Variants in CHODL observed in about 807,000 individuals in gnomAD.
CHODL encodes the protein transmembrane protein MT75.
Under a neutral mutation model 34.5 loss-of-function variants are expected in CHODL, and 29 were observed. That is an observed-to-expected ratio of 0.84 (90% CI 0.63 to 1.15). CHODL has a LOEUF of 1.15. CHODL is among the 50% of genes most tolerant of loss of function. CHODL has a pLI of 0.00. For synonymous variants in CHODL, 125 were observed against 116.1 expected (o/e 1.08, Z -0.49); for missense variants, 332 against 332.5 (o/e 1.00, Z 0.01).
In CHODL at chr21:17,964,373, G is replaced by A. The variant is rs140423951; in HGVS notation, c.-145+46973G>A. Among the ~76,000 whole-genome samples the A allele has an allele frequency of 6.5e-3, 985 of 152,266 alleles. 10 individuals carry two copies. The highest frequency in any genetic ancestry group is 0.023 in the African/African-American group (941 of 41,562). ...GTCACACACACACACGCACACATGC[G>A]TGCACGTGCTGAACATGAAAATGCC... On this transcript the variant is annotated intron_variant, in intron 1 of 6. Coordinates refer to the CHODL transcript ENST00000400127.
At chr21:18,050,223 C>A (rs557216655) in intron 2 of CHODL, among the ~76,000 whole-genome samples, 21 of 151,958 alleles carry the variant, frequency 1.4e-4, no homozygotes, top group Non-Finnish European at 2.2e-4. Context: ...GTTTAAAAAA[C>A]TGGAAGAAAG....
chr21:18,188,270 C>T (rs958256238), intron 2 of CHODL, among the ~76,000 whole-genome samples: 1 of 152,066 alleles, frequency 6.6e-6, no homozygotes, highest in African/African-American at 2.4e-5. Flanking sequence ...ACATTTTTTA[C>T]CCTGTTTTAT....
At chr21:18,083,304 G>A (rs1048658701) in intron 2 of CHODL, among the ~76,000 whole-genome samples, 7 of 152,240 alleles carry the variant, frequency 4.6e-5, no homozygotes, top group African/African-American at 7.2e-5. Context: ...GAGGATGTAC[G>A]GAAAAGCCTG....
At chr21:18,193,712 A>AAAAAT (rs1555881309) in intron 2 of CHODL, among the ~76,000 whole-genome samples, 1 of 139,342 alleles carries the variant, frequency 7.2e-6, no homozygotes, top group East Asian at 2.2e-4. Flanking sequence ...AAAAAAAAAT[A>AAAAAT]AAATAAATAA....
intron 2 of CHODL, among the ~76,000 whole-genome samples, chr21:18,127,672 G>GTTTTTTTTTTTTTTTTTTT (rs71318127): frequency 1.4e-5 from 1 of 70,006 alleles, no homozygotes; most frequent in Non-Finnish European, 2.7e-5. Context: ...CGTTGCCATT[G>GTTTTTTTTTTTTTTTTTTT]TTTTTTTTTT....
chr21:18,244,764 T>G, upstream of CHODL: 1 of 155,456 alleles, frequency 6.4e-6, no homozygotes. Flanking sequence ...AGTTAAAAAT[T>G]ATTACTAGGG....
chr21:17,991,781 C>T (rs1267429567), intron 1 of CHODL, among the ~76,000 whole-genome samples: 1 of 150,622 alleles, frequency 6.6e-6, no homozygotes, highest in Non-Finnish European at 1.5e-5. Flanking sequence ...AACAGGTTGT[C>T]TCTTTATGCT....
intron 1 of CHODL, among the ~76,000 whole-genome samples, chr21:17,927,116 G>GTATATATGTATATATGTA (rs1568801562): frequency 2.3e-5 from 3 of 133,070 alleles, no homozygotes; most frequent in African/African-American, 9.4e-5. Flanking sequence ...ATGTATATAT[G>GTATATATGTATATATGTA]TATATATGTA....
At chr21:18,219,046 G>C (rs1216622740) in intron 2 of CHODL, among the ~76,000 whole-genome samples, 1 of 152,046 alleles carries the variant, frequency 6.6e-6, no homozygotes, top group Non-Finnish European at 1.5e-5. Flanking sequence ...ACCTCTGCCT[G>C]TTACCCAGTT....
intron 2 of CHODL, among the ~76,000 whole-genome samples, chr21:18,138,085 A>AT (rs1244563101): frequency 6.6e-6 from 1 of 151,974 alleles, no homozygotes; most frequent in Non-Finnish European, 1.5e-5. Flanking sequence ...ATGAAACAGC[A>AT]TTTTGTTACA....
chr21:17,995,721 T>A (rs1832711991), intron 1 of CHODL, among the ~76,000 whole-genome samples: 1 of 152,192 alleles, frequency 6.6e-6, no homozygotes, highest in Non-Finnish European at 1.5e-5. Flanking sequence ...TACCTACATC[T>A]TTAGGTCACT....
intron 1 of CHODL, among the ~76,000 whole-genome samples, chr21:18,025,527 CT>C (rs1210837457): frequency 1.3e-5 from 2 of 152,138 alleles, no homozygotes; most frequent in South Asian, 2.1e-4. Flanking sequence ...TGTCCCTCTA[CT>C]TCTTCGTTCG....
chr21:18,115,226 C>T (rs939013613), intron 2 of CHODL, among the ~76,000 whole-genome samples: 5 of 152,204 alleles, frequency 3.3e-5, no homozygotes, highest in Non-Finnish European at 5.9e-5. Context: ...GCCTATGTGC[C>T]GGAATCCTGG....
intron 2 of CHODL, among the ~76,000 whole-genome samples, chr21:18,183,893 G>A (rs1208945043): frequency 6.6e-6 from 1 of 152,094 alleles, no homozygotes; most frequent in East Asian, 1.9e-4. Flanking sequence ...TTGCAACAGC[G>A]AAGTTCTAGC....
At chr21:18,060,709 C>CAAAAAAAAAAAAA (rs71318121) in intron 2 of CHODL, among the ~76,000 whole-genome samples, 14 of 121,296 alleles carry the variant, frequency 1.2e-4, no homozygotes, top group African/African-American at 4.6e-4. Context: ...CTCCTCGGAC[C>CAAAAAAAAAAAAA]AAAAAAAAAA....
At chr21:18,130,765 AAATC>A (rs1394055002) in intron 2 of CHODL, among the ~76,000 whole-genome samples, 2 of 152,232 alleles carry the variant, frequency 1.3e-5, no homozygotes, top group Non-Finnish European at 1.5e-5. Flanking sequence ...CCATTATTCG[AAATC>A]GATAGATATG....
intron 2 of CHODL, among the ~76,000 whole-genome samples, chr21:18,048,181 AAG>A (rs569052129): frequency 1.3e-5 from 2 of 151,968 alleles, no homozygotes; most frequent in Non-Finnish European, 2.9e-5. Flanking sequence ...TCCTGAGAAA[AAG>A]AGGAGGAATT....
At chr21:18,219,325 A>G (rs561978900) in intron 2 of CHODL, among the ~76,000 whole-genome samples, 4 of 152,156 alleles carry the variant, frequency 2.6e-5, no homozygotes, top group Non-Finnish European at 5.9e-5. Flanking sequence ...TGCCCCTTGT[A>G]AAACCATCAG....
rs34968795 is a variant in CHODL, at chr21:18,263,901, C to CTTT, written c.737+1021_737+1023dup. 3.2e-3 allele frequency among the ~76,000 whole-genome samples: 450 copies of CTTT among 141,374 alleles called. 1 individual carries two copies. The highest frequency in any genetic ancestry group is 7.1e-3 in the African/African-American group (271 of 38,432). The allele number at this position is 141,374 out of a possible 152,430, so 92.7% of individuals were successfully genotyped here. A position where few individuals can be genotyped will look rare whatever the true frequency, so the allele number is the denominator to read the frequency against. ...TCTACACAAAAGCCACATTAATAAC[C>CTTT]TTTTTTTTTTTTTTTACCATTTAGA... is the stretch of plus-strand genomic sequence containing the variant. On this transcript the variant is annotated intron_variant, in intron 5 of 5. Transcript: ENST00000299295.
Sources: allele counts gnomAD v4.1 joint callset (sites outside exome capture counted in the v4.1 genomes callset), GRCh38; gene constraint gnomAD v4.1.1; transcripts MANE v1.5; gene names NCBI Gene and HGNC (gene_info 2026-07-23, HGNC 2026-07-21).